The following KANK1 variants were observed in gnomAD, a reference collection of about 807,000 sequenced individuals.
KANK1 encodes KN motif and ankyrin repeat domain-containing protein 1.
A neutral mutation model predicts 106.2 loss-of-function variants in KANK1; 109 were observed. That is an observed-to-expected ratio of 1.03 (90% CI 0.88 to 1.20). The LOEUF is 1.20. Among genes scored for constraint, KANK1 ranks in the 50% most tolerant of loss-of-function variants. KANK1 has a pLI of 0.00. For synonymous variants in KANK1, 873 were observed against 652.2 expected, an observed-to-expected ratio of 1.34 and a Z score of -5.16; for missense variants, 2,399 against 1,710.7, an observed-to-expected ratio of 1.40 and a Z score of -7.10.
intron 3 of KANK1, among the ~76,000 whole-genome samples, chr9:728,092 CCTGA>C (rs1242330971): frequency 6.6e-6 from 1 of 152,158 alleles, no homozygotes; most frequent in Non-Finnish European, 1.5e-5. Context: ...CAAATTCCAA[CCTGA>C]CTCTCCTATA....
At chr9:540,709 T>C (rs540970431) in intron 1 of KANK1, 3 of 152,366 alleles carry the variant, frequency 2.0e-5, no homozygotes, top group South Asian at 4.1e-4. Flanking sequence ...ACTATTGGTC[T>C]CTTCAGATTT....
At chr9:627,455 T>C (rs1011346588) in intron 1 of KANK1, among the ~76,000 whole-genome samples, 2 of 152,202 alleles carry the variant, frequency 1.3e-5, no homozygotes, top group Admixed American at 6.5e-5. Context: ...TTTTCTCTTA[T>C]CTCTGCTGGT....
chr9:519,660 A>G (rs925930839), intron 1 of KANK1, among the ~76,000 whole-genome samples: 3 of 151,792 alleles, frequency 2.0e-5, no homozygotes, highest in Non-Finnish European at 4.4e-5. Flanking sequence ...TTATTTTGCC[A>G]GGAGACTGGT....
chr9:523,564 C>G (rs1326187650), intron 1 of KANK1, among the ~76,000 whole-genome samples: 4 of 151,746 alleles, frequency 2.6e-5, no homozygotes, highest in Non-Finnish European at 5.9e-5. Flanking sequence ...ACAGTGAACT[C>G]CATGGCTGTC....
At chr9:476,023 T>A (rs2132078316) in intron 3 of KANK1, among the ~76,000 whole-genome samples, 1 of 152,020 alleles carries the variant, frequency 6.6e-6, no homozygotes, top group South Asian at 2.1e-4. Flanking sequence ...CGGCTAATTT[T>A]TGTATTTTTA....
intron 7 of KANK1, among the ~76,000 whole-genome samples, chr9:736,604 CAAG>C (rs1564119855): frequency 6.6e-6 from 1 of 151,544 alleles, no homozygotes; most frequent in East Asian, 1.9e-4. Flanking sequence ...GAGGCTGAGG[CAAG>C]AAGATAGCTG....
At chr9:536,532 T>C (rs534959357) in intron 1 of KANK1, among the ~76,000 whole-genome samples, 21 of 152,318 alleles carry the variant, frequency 1.4e-4, no homozygotes, top group Admixed American at 5.9e-4. Context: ...GTGACCCGTT[T>C]CTTCATCTTC....
intron 1 of KANK1, chr9:674,459 C>G (rs1588803472): frequency 6.6e-6 from 1 of 151,658 alleles, no homozygotes; most frequent in East Asian, 1.9e-4. Context: ...CAGTAGTTAG[C>G]TTTGAACTGT....
At chr9:690,115 C>G (rs1563991957) in intron 2 of KANK1, among the ~76,000 whole-genome samples, 1 of 135,460 alleles carries the variant, frequency 7.4e-6, no homozygotes, top group Admixed American at 7.9e-5. Context: ...TGGTGAAACC[C>G]CATCTCTTCT....
chr9:660,394 T>C (rs181272281), intron 1 of KANK1: 3 of 163,354 alleles, frequency 1.8e-5, no homozygotes, highest in Non-Finnish European at 4.1e-5. Context: ...TTCTGTCCCT[T>C]GTCACAAGTT....
chr9:568,207 A>AT (rs1433320387), intron 1 of KANK1, among the ~76,000 whole-genome samples: 1 of 152,122 alleles, frequency 6.6e-6, no homozygotes, highest in Non-Finnish European at 1.5e-5. Context: ...ACTTCTCAAG[A>AT]TTTTTTACAC....
chr9:732,622 G>C lies in KANK1; in HGVS notation c.3245+5G>C. 1 of 1,611,878 alleles carries C rather than the reference G, an allele frequency of 6.2e-7. No individual in the cohort carries two copies. Among genetic ancestry groups the C allele is most frequent in the Non-Finnish European group, 8.5e-7 (1 of 1,178,226 alleles). On this transcript the variant is annotated splice_donor_5th_base_variant and intron_variant, in intron 6 of 11. Transcript: ENST00000382297. ...GAAGGTGGAAATCAGAGAGAGGTGT[G>C]GTACATTCCCCTTCCCTCCCTTGCC...
chr9:504,458 GC>G (rs1263673285), upstream of KANK1, among the ~76,000 whole-genome samples: 1 of 151,648 alleles, frequency 6.6e-6, no homozygotes, highest in Non-Finnish European at 1.5e-5. Flanking sequence ...TACAAAGAGC[GC>G]CCCCGCGGGG....
intron 1 of KANK1, among the ~76,000 whole-genome samples, chr9:671,967 A>G (rs1014292644): frequency 6.6e-6 from 1 of 152,318 alleles, no homozygotes; most frequent in African/African-American, 2.4e-5. Context: ...AAAAAATTAC[A>G]TAAAATTCCG....
upstream of KANK1, among the ~76,000 whole-genome samples, chr9:502,154 CAGAA>C (rs2058566293): frequency 6.6e-6 from 1 of 152,222 alleles, no homozygotes; most frequent in Non-Finnish European, 1.5e-5. Context: ...TCCATAGAGA[CAGAA>C]AGTAAATTAG....
chr9:601,279 C>T (rs1322122725), intron 1 of KANK1, among the ~76,000 whole-genome samples: 1 of 151,720 alleles, frequency 6.6e-6, no homozygotes, highest in Non-Finnish European at 1.5e-5. Flanking sequence ...CTAATACTTC[C>T]AGCTAAACAA....
intron 1 of KANK1, among the ~76,000 whole-genome samples, chr9:627,012 T>A (rs556846210): frequency 1.3e-5 from 2 of 152,272 alleles, no homozygotes; most frequent in East Asian, 3.9e-4. Context: ...TTATTTCATA[T>A]TTATTTGATT....
At chr9:551,171 C>A (rs187555428) in intron 1 of KANK1, among the ~76,000 whole-genome samples, 1 of 151,724 alleles carries the variant, frequency 6.6e-6, no homozygotes, top group Admixed American at 6.6e-5. Context: ...CAGCTCTCCC[C>A]CTCTGTTGCC....
chr9:735,831 TAA>T, intron 7 of KANK1: 1 of 354,686 alleles, frequency 2.8e-6, no homozygotes. Context: ...CTTTCTCTAC[TAA>T]AAATACAAAA....
Sources: allele counts gnomAD v4.1 joint callset (sites outside exome capture counted in the v4.1 genomes callset), GRCh38; gene constraint gnomAD v4.1.1; transcripts MANE v1.5; gene names NCBI Gene and HGNC (gene_info 2026-07-23, HGNC 2026-07-21).